NDC80: variants seen among roughly 807,000 people sequenced by gnomAD.
The protein encoded by NDC80 is kinetochore protein NDC80 homolog.
NDC80 carries 69 observed loss-of-function variants against 89.3 expected under a neutral mutation model. The observed-to-expected ratio is 0.77, with a 90% CI of 0.64 to 0.94. The LOEUF is 0.94. Ranked by LOEUF, NDC80 falls within the 40% of genes least tolerant of loss-of-function variation. The pLI is 0.00. For synonymous variants in NDC80, 243 were observed against 255.6 expected (o/e 0.95, Z 0.47); for missense variants, 593 against 739.6 (o/e 0.80, Z 2.30).
chr18:2,592,357 TG>T (rs1206568247), intron 10 of NDC80, among the ~76,000 whole-genome samples: 2 of 146,146 alleles, frequency 1.4e-5, no homozygotes, highest in African/African-American at 2.7e-5. Flanking sequence ...TGTTTTATTT[TG>T]TTTTTTTTTT....
intron 5 of NDC80, among the ~76,000 whole-genome samples, chr18:2,578,697 G>A (rs2072561092): frequency 6.6e-6 from 1 of 152,156 alleles, no homozygotes; most frequent in African/African-American, 2.4e-5. Context: ...CCAGCATATT[G>A]GTTGTATAGG....
rs1056169597 is a variant in NDC80, at chr18:2,571,607, C to A, written c.-86C>A. On this transcript the variant is annotated 5_prime_UTR_variant, in exon 1 of 17. Coordinates refer to ENST00000261597, the MANE Select transcript of NDC80 (RefSeq NM_006101.3). ...AGGAAGGACCTGGTGTTTTGATGAC[C>A]GCTGTCCTGTCTAGCAGATACTTGC... The A allele has an allele frequency of 6.6e-6, 1 of 152,230 alleles. No homozygotes were observed. Among genetic ancestry groups the A allele is most frequent in the Non-Finnish European group, 1.5e-5 (1 of 68,054 alleles). 9.4% of individuals were successfully genotyped at this position (152,230 alleles called of 1,614,324 possible).
intron 12 of NDC80, among the ~76,000 whole-genome samples, chr18:2,601,194 C>T (rs1197790467): frequency 6.6e-6 from 1 of 152,032 alleles, no homozygotes; most frequent in Non-Finnish European, 1.5e-5. Context: ...TATTCAAAAC[C>T]AAAAGCAGGT....
At chr18:2,572,494 G>A (rs1207351114) in intron 1 of NDC80, among the ~76,000 whole-genome samples, 4 of 152,216 alleles carry the variant, frequency 2.6e-5, no homozygotes, top group Non-Finnish European at 5.9e-5. Flanking sequence ...CAGAGCAGGA[G>A]AGATTGACAT....
chr18:2,614,632 A>G (rs576415861), intron 16 of NDC80, among the ~76,000 whole-genome samples: 3 of 80,188 alleles, frequency 3.7e-5, no homozygotes, highest in Admixed American at 2.5e-4. Context: ...AAAGAAAGAA[A>G]GAAAGAAAGA....
chr18:2,578,251 C>T (rs780883135), intron 5 of NDC80, 110 bp downstream of exon 5: 81 of 1,015,322 alleles, frequency 8.0e-5, no homozygotes, highest in Non-Finnish European at 1.1e-4. Context: ...TTTAAGATGA[C>T]CACTGTGGGC....
intron 8 of NDC80, among the ~76,000 whole-genome samples, chr18:2,588,893 T>C (rs149550104): frequency 1.1e-4 from 17 of 152,288 alleles, no homozygotes; most frequent in African/African-American, 4.1e-4. Context: ...GATACAGTAA[T>C]GAATAGGATA....
At chr18:2,607,615 T>C (rs2072718798) in intron 14 of NDC80, among the ~76,000 whole-genome samples, 2 of 152,118 alleles carry the variant, frequency 1.3e-5, no homozygotes, top group South Asian at 4.1e-4. Flanking sequence ...ACCAATTTTA[T>C]TTAGTTTCTG....
Position 2,610,771 on chromosome 18 carries a change from T to A in NDC80, c.1701T>A (p.Val567=). The A allele has an allele frequency of 6.3e-7, 1 of 1,589,324 alleles. No homozygotes were observed. ...TTTTGTTCTACAGATACCAACTAGT[T>A]GTGCAAACCACGACTGAAGAAAGAC... ...LDAVQREYQL[V]VQTTTEERRK... is the part of the protein sequence containing the mutation. The change falls in exon 16 of 17, where the codon GTT becomes GTA. Residue 567 remains valine, a synonymous_variant. Transcript: ENST00000261597.
intron 16 of NDC80, among the ~76,000 whole-genome samples, chr18:2,612,653 G>A (rs140593075): frequency 5.8e-4 from 89 of 152,218 alleles, no homozygotes; most frequent in African/African-American, 1.9e-3. Context: ...CTTATCACTA[G>A]GGATTTGTGT....
At chr18:2,593,727 A>G in intron 10 of NDC80, 1 of 204,788 alleles carries the variant, frequency 4.9e-6, no homozygotes, top group South Asian at 8.7e-5. Context: ...ATGGCATCTC[A>G]TCATATACCA....
chr18:2,571,945 G>A (rs2072516283), intron 1 of NDC80, among the ~76,000 whole-genome samples: 1 of 152,116 alleles, frequency 6.6e-6, no homozygotes, highest in African/African-American at 2.4e-5. Flanking sequence ...GAGAGGAAAC[G>A]GGGAAGAATT....
At chr18:2,577,618 G>T in intron 3 of NDC80, 128 bp from the exon 4 acceptor site, 1 of 996,054 alleles carries the variant, frequency 1.0e-6, no homozygotes, top group South Asian at 1.6e-5. Flanking sequence ...TTAAATAAGA[G>T]AATTCTGTTT....
At chr18:2,605,608 C>T (rs1356281912) in intron 13 of NDC80, among the ~76,000 whole-genome samples, 2 of 151,600 alleles carry the variant, frequency 1.3e-5, no homozygotes, top group Non-Finnish European at 2.9e-5. Flanking sequence ...GAGTTCTGGG[C>T]GTATGCTAGT....
Position 2,587,933 on chromosome 18 carries a change from C to G in NDC80, c.763+10C>G, listed in dbSNP as rs759464899. 6 of 1,610,538 alleles carry G rather than the reference C, an allele frequency of 3.7e-6. No homozygotes were observed. In the South Asian group the frequency reaches 6.6e-5, roughly 18 times the overall value. ...CTGCAGTCAAAACTGAGTAAGTGTT[C>G]TCGTTCTTAGGGTGCTTGCTTTTGG... On this transcript the variant is annotated intron_variant, in intron 8 of 16. Coordinates refer to ENST00000261597, the MANE Select transcript of NDC80 (RefSeq NM_006101.3).
In NDC80 at chr18:2,598,969, CAT is replaced by C. The variant is rs762571280; in HGVS notation, c.1222-47_1222-46del. The stretch of plus-strand genomic sequence containing the variant: ...TTTTAGAAATGTCAATTGAAAAAAA[CAT>C]ATGGAATGGGGCTGCTTTAACATGT... On this transcript the variant is annotated intron_variant, in intron 11 of 16. Coordinates refer to ENST00000261597, the MANE Select transcript of NDC80 (RefSeq NM_006101.3). 8 of 1,425,990 alleles carry C rather than the reference CAT, an allele frequency of 5.6e-6. No homozygotes were observed. In the African/African-American group the frequency reaches 5.8e-5, roughly 10 times the overall value. 88.3% of individuals were successfully genotyped at this position (1,425,990 alleles called of 1,614,324 possible).
At chr18:2,592,975 T>C (rs2072634666) in intron 10 of NDC80, among the ~76,000 whole-genome samples, 1 of 150,384 alleles carries the variant, frequency 6.6e-6, no homozygotes, top group Non-Finnish European at 1.5e-5. Context: ...TTTGGTATGG[T>C]TATCACTGAA....
At chr18:2,592,850 C>A (rs1026322685) in intron 10 of NDC80, among the ~76,000 whole-genome samples, 9 of 152,122 alleles carry the variant, frequency 5.9e-5, no homozygotes. Context: ...CTTAGTCATC[C>A]TCATCCTTTT....
chr18:2,585,486 T>G (rs909460144), intron 7 of NDC80, among the ~76,000 whole-genome samples: 2 of 152,180 alleles, frequency 1.3e-5, no homozygotes, highest in Admixed American at 1.3e-4. Context: ...GCTCTTGTAA[T>G]TTATTGAATA....
Sources: allele counts gnomAD v4.1 joint callset (sites outside exome capture counted in the v4.1 genomes callset), GRCh38; gene constraint gnomAD v4.1.1; transcripts MANE v1.5; gene names NCBI Gene and HGNC (gene_info 2026-07-23, HGNC 2026-07-21).